Variants in SPATA31G1 observed in about 807,000 individuals in gnomAD.
SPATA31G1 encodes SPATA31 subfamily G member 1.
At chr9:35,043,433 C>T in the SPATA31G1 span, 21 of 1,614,052 alleles carry the variant, frequency 1.3e-5, no homozygotes, top group East Asian at 4.5e-5. Context: ...GGATGGCCCC[C>T]GATCCTCAGC....
chr9:35,042,414 C>T, the SPATA31G1 span: 3 of 1,614,094 alleles, frequency 1.9e-6, no homozygotes, highest in Admixed American at 1.7e-5. Context: ...TTGGCAGATT[C>T]AGAGATGGTG....
At chr9:35,045,713 C>A in the SPATA31G1 span, 1 of 1,614,238 alleles carries the variant, frequency 6.2e-7, no homozygotes, top group Non-Finnish European at 8.5e-7. Context: ...CAAGTGACAT[C>A]CTGACCCCTC....
the SPATA31G1 span, chr9:35,042,951 G>C: frequency 6.2e-7 from 1 of 1,614,124 alleles, no homozygotes. Flanking sequence ...AGAGGAAGAG[G>C]GGGAAGACGA....
chr9:35,043,302 T>C, the SPATA31G1 span: 1 of 1,614,234 alleles, frequency 6.2e-7, no homozygotes, highest in Non-Finnish European at 8.5e-7. Flanking sequence ...GTGGTCTGTT[T>C]GTTCTTCTGT....
the SPATA31G1 span, chr9:35,042,894 G>A: frequency 2.5e-6 from 4 of 1,614,008 alleles, no homozygotes; most frequent in Non-Finnish European, 3.4e-6. Context: ...GGCCTTCCTT[G>A]ATCACCTGTG....
chr9:35,042,477 C>T, the SPATA31G1 span: 1 of 1,614,176 alleles, frequency 6.2e-7, no homozygotes, highest in East Asian at 2.2e-5. Flanking sequence ...GAATATGGTG[C>T]AAGGCAAGGT....
the SPATA31G1 span, chr9:35,045,036 C>T: frequency 6.2e-7 from 1 of 1,614,216 alleles, no homozygotes; most frequent in African/African-American, 1.3e-5. Context: ...CTCCAGAGCC[C>T]CTGGCCCAAG....
chr9:35,044,232 T>G, the SPATA31G1 span: 6 of 1,614,192 alleles, frequency 3.7e-6, no homozygotes, highest in Non-Finnish European at 5.1e-6. Context: ...TCCTGGGGAA[T>G]GCCTCGCTAC....
the SPATA31G1 span, chr9:35,044,471 C>T: frequency 6.2e-7 from 1 of 1,614,196 alleles, no homozygotes; most frequent in Non-Finnish European, 8.5e-7. Context: ...TGCATGGAGC[C>T]AGCCCTCTGG....
the SPATA31G1 span, chr9:35,045,563 A>T: frequency 6.2e-7 from 1 of 1,614,216 alleles, no homozygotes; most frequent in Non-Finnish European, 8.5e-7. Context: ...CCCAGGCCAG[A>T]AGCCTAGTAG....
chr9:35,045,128 T>C, the SPATA31G1 span: 1 of 1,614,098 alleles, frequency 6.2e-7, no homozygotes, highest in Non-Finnish European at 8.5e-7. Context: ...CACAGCAGAT[T>C]TATCCCCCCA....
At chr9:35,044,360 C>T in the SPATA31G1 span, 1 of 1,614,060 alleles carries the variant, frequency 6.2e-7, no homozygotes, top group Non-Finnish European at 8.5e-7. Context: ...GAGTTAGATC[C>T]ATGGGGGTCC....
chr9:35,044,219 C>T, the SPATA31G1 span: 29 of 1,614,054 alleles, frequency 1.8e-5, no homozygotes, highest in Non-Finnish European at 2.5e-5. Context: ...CACACAGAAT[C>T]AATCCTGGGG....
chr9:35,042,073 C>A, the SPATA31G1 span: 1 of 867,956 alleles, frequency 1.2e-6, no homozygotes, highest in Non-Finnish European at 1.7e-6. Flanking sequence ...CTGAACTGGG[C>A]AATCAAAAGG....
At chr9:35,042,619 G>C in the SPATA31G1 span, 1 of 1,397,862 alleles carries the variant, frequency 7.2e-7, no homozygotes, top group Non-Finnish European at 9.8e-7. Flanking sequence ...ACTGACACTA[G>C]ATTTGAAGCC....
the SPATA31G1 span, chr9:35,044,278 G>A: frequency 1.2e-6 from 2 of 1,614,184 alleles, no homozygotes; most frequent in Non-Finnish European, 1.7e-6. Context: ...GAGCATTCCA[G>A]GAATTCCTCG....
At chr9:35,044,032 C>T in the SPATA31G1 span, 2 of 1,613,666 alleles carry the variant, frequency 1.2e-6, no homozygotes, top group Non-Finnish European at 1.7e-6. Context: ...CCTGCAGACC[C>T]AGTTTCACCT....
chr9:35,044,770 T>C, the SPATA31G1 span: 1 of 1,613,956 alleles, frequency 6.2e-7, no homozygotes, highest in East Asian at 2.2e-5. Context: ...CAAAGAGAAG[T>C]TCCCCAAGGC....
chr9:35,044,124 G>A, the SPATA31G1 span: 1 of 1,614,148 alleles, frequency 6.2e-7, no homozygotes, highest in Non-Finnish European at 8.5e-7. Flanking sequence ...AGCTTTGTGG[G>A]AGACCATGGG....
Sources: allele counts gnomAD v4.1 joint callset, GRCh38; gene constraint gnomAD v4.1.1; transcripts MANE v1.5; gene names NCBI Gene and HGNC (gene_info 2026-07-23, HGNC 2026-07-21).